Variants in VIM observed in about 807,000 individuals in gnomAD.
VIM encodes epididymis secretory sperm binding protein.
A neutral mutation model predicts 50.3 loss-of-function variants in VIM; 18 were observed. The ratio of observed to expected loss-of-function variants is 0.36; its 90% CI spans 0.25 to 0.53. VIM has a LOEUF of 0.53. Among genes scored for constraint, VIM ranks in the 20% least tolerant of loss-of-function variants. VIM has a pLI of 0.91. For missense variants in VIM, 551 were observed against 614.7 expected (o/e 0.90, Z 1.10); for synonymous variants, 245 against 248.5 (o/e 0.99, Z 0.13).
chr10:17,233,395 TAGTG>T, intron 3 of VIM, 188 bp from the exon 4 acceptor site: 1 of 594,448 alleles, frequency 1.7e-6, no homozygotes, highest in Admixed American at 2.9e-5. Flanking sequence ...TAAAATATAT[TAGTG>T]AGCAGGAGAA....
chr10:17,234,919 A>G lies in VIM; in HGVS notation c.1008+101A>G, dbSNP rs939819926. 5.2e-6 allele frequency: 8 copies of G among 1,526,804 alleles called. No individual in the cohort carries two copies. In the Admixed American group the frequency reaches 7.3e-5, roughly 14 times the overall value. The allele number at this position is 1,526,804 out of a possible 1,614,324, so 94.6% of individuals were successfully genotyped here. A position where few individuals can be genotyped will look rare whatever the true frequency, so the allele number is the denominator to read the frequency against. On this transcript the variant is annotated intron_variant, in intron 6 of 9. Coordinates refer to ENST00000544301, the MANE Select transcript of VIM (RefSeq NM_003380.5). Reference sequence around the variant, plus strand: ...CAAAATGTTGAGTGAGTAAAAATGTATATCATAATGCAAAGAAAATGAGTT... The same window carrying G: ...CAAAATGTTGAGTGAGTAAAAATGTGTATCATAATGCAAAGAAAATGAGTT...
intron 8 of VIM, 83 bp from the exon 9 acceptor site, chr10:17,236,211 A>G: frequency 9.1e-7 from 1 of 1,103,714 alleles, no homozygotes; most frequent in South Asian, 1.2e-5. Flanking sequence ...CCCACAAATC[A>G]TAATTGTTTC....
intron 5 of VIM, chr10:17,234,248 G>A: frequency 5.4e-6 from 2 of 368,822 alleles, no homozygotes; most frequent in South Asian, 2.5e-5. Flanking sequence ...CCTAAGAGCT[G>A]GAACCACAGG....
At chr10:17,236,877 TCCCTTGC>T (rs1846898525) in intron 9 of VIM, among the ~76,000 whole-genome samples, 1 of 152,328 alleles carries the variant, frequency 6.6e-6, no homozygotes, top group African/African-American at 2.4e-5. Flanking sequence ...CATGAAATCT[TCCCTTGC>T]ACATAAATTT....
chr10:17,232,997 G>C (rs1001057234), intron 3 of VIM, among the ~76,000 whole-genome samples: 1 of 152,300 alleles, frequency 6.6e-6, no homozygotes, highest in African/African-American at 2.4e-5. Context: ...GCCCAGGCTG[G>C]AGTGCAGTGG....
At chr10:17,234,496 C>T (rs1438273775) in intron 5 of VIM, among the ~76,000 whole-genome samples, 197 bp from the exon 6 acceptor site, 2 of 152,210 alleles carry the variant, frequency 1.3e-5, no homozygotes, top group African/African-American at 4.8e-5. Flanking sequence ...CTTTGACCTC[C>T]ACTGTGTTGA....
chr10:17,230,899 G>A (rs1846779937), intron 3 of VIM, 189 bp downstream of exon 3: 8 of 594,532 alleles, frequency 1.3e-5, no homozygotes, highest in Non-Finnish European at 2.3e-5. Context: ...AAAACCCCTT[G>A]AGCGATTTTT....
rs141319821 is a variant in VIM at position 17,229,876 on chromosome 10, G to A, written c.454G>A (p.Glu152Lys). 13 of 1,610,868 alleles carry A rather than the reference G, an allele frequency of 8.1e-6. No individual in the cohort carries two copies. The highest frequency in any genetic ancestry group is 1.1e-5 in the Non-Finnish European group (13 of 1,178,896). Reference sequence around the variant, plus strand: ...GTCGCGCCTGGGGGACCTCTACGAGGAGGAGATGCGGGAGCTGCGCCGGCA... The same window carrying A: ...GTCGCGCCTGGGGGACCTCTACGAGAAGGAGATGCGGGAGCTGCGCCGGCA... The part of the protein sequence containing the change: ...GKSRLGDLYE[E>K]EMRELRRQVD... Residue 152 changes from glutamate (E) to lysine (K), a missense_variant, in exon 2 of 10, where the codon GAG (glutamate) becomes AAG (lysine). Glu to Lys is a moderately conservative substitution (Grantham distance 56). Transcript: ENST00000544301.
chr10:17,235,707 GT>G, intron 7 of VIM, 138 bp from the exon 8 acceptor site: 1 of 879,036 alleles, frequency 1.1e-6, no homozygotes, highest in South Asian at 1.4e-5. Flanking sequence ...ATGGGAAAAT[GT>G]TTCTGAGACA....
chr10:17,235,554 C>A, intron 7 of VIM, 165 bp downstream of exon 7: 1 of 830,240 alleles, frequency 1.2e-6, no homozygotes, highest in Non-Finnish European at 1.9e-6. Context: ...GAGTAAGTGA[C>A]TTGCTGAAAA....
chr10:17,235,441 C>T, intron 7 of VIM, 52 bp downstream of exon 7: 1 of 1,586,628 alleles, frequency 6.3e-7, no homozygotes. Context: ...TTTGTTAGGC[C>T]CTGTGCCACT....
chr10:17,230,020 G>A (rs761001825), intron 2 of VIM, 35 bp downstream of exon 2: 6 of 1,569,266 alleles, frequency 3.8e-6, no homozygotes, highest in Non-Finnish European at 5.2e-6. Context: ...CTGGGCCTCG[G>A]GAGGGGGCTG....
intron 3 of VIM, chr10:17,231,204 A>G (rs1026024020): frequency 1.3e-5 from 2 of 153,932 alleles, no homozygotes; most frequent in Non-Finnish European, 2.9e-5. Context: ...TATGCCCTGC[A>G]GTTTAAAATG....
At chr10:17,237,181 G>T (rs777215987) in intron 9 of VIM, 49 bp from the exon 10 acceptor site, 1 of 1,486,850 alleles carries the variant, frequency 6.7e-7, no homozygotes, top group African/African-American at 1.4e-5. Flanking sequence ...GGATAATTTA[G>T]TCTTTGGCAT....
Position 17,229,373 on chromosome 10 carries a change from G to A in VIM, c.-50G>A, listed in dbSNP as rs1365067614. ...GCCCTCGTTCGCCTCTTCTCCGGGA[G>A]CCAGTCCGCGCCACCGCCGCCGCCC... On this transcript the variant is annotated 5_prime_UTR_variant, in exon 2 of 10. Transcript: ENST00000544301. The A allele has an allele frequency of 6.5e-7, 1 of 1,547,820 alleles. No homozygotes were observed. Among genetic ancestry groups the A allele is most frequent in the African/African-American group, 1.4e-5 (1 of 73,058 alleles).
In VIM at chr10:17,230,929, G is replaced by C. The variant is rs756383010; in HGVS notation, c.624+219G>C. The C allele has an allele frequency of 2.2e-4, 110 of 502,832 alleles. 1 individual carries two copies. The highest frequency in any genetic ancestry group is 7.4e-4 in the African/African-American group (37 of 50,242). The allele number at this position is 502,832 out of a possible 1,614,324, so 31.1% of individuals were successfully genotyped here. A position where few individuals can be genotyped will look rare whatever the true frequency, so the allele number is the denominator to read the frequency against. On this transcript the variant is annotated intron_variant, in intron 3 of 9. Coordinates refer to ENST00000544301, the MANE Select transcript of VIM (RefSeq NM_003380.5). ...ATTTTTTTTTTTTTTTTGAGACGGA[G>C]TCTTACTCTGTCGCCCAGGCTGGAG...
chr10:17,230,506 C>T, intron 2 of VIM, 144 bp from the exon 3 acceptor site: 1 of 933,248 alleles, frequency 1.1e-6, no homozygotes, highest in Admixed American at 1.7e-5. Context: ...CCGAGGGCAG[C>T]AGGTCTGAAA....
rs367958322 is a variant in VIM at position 17,233,446 on chromosome 10, C to G, written c.625-141C>G. On this transcript the variant is annotated intron_variant, in intron 3 of 9. Transcript: ENST00000544301. ...TTATAGCACTGAATGATTTATAAAC[C>G]TATTCCAGGGTCATAAAATGTGTCA... The G allele has an allele frequency of 1.4e-4, 108 of 764,706 alleles. 3 individuals carry two copies. The highest frequency in any genetic ancestry group is 7.3e-4 in the East Asian group (27 of 37,016). 47.4% of individuals were successfully genotyped at this position (764,706 alleles called of 1,614,324 possible).
rs539114402 is a variant in VIM at position 17,236,482 on chromosome 10, G to A, written c.1359+103G>A. On this transcript the variant is annotated intron_variant, in intron 9 of 9. Coordinates refer to ENST00000544301, the MANE Select transcript of VIM (RefSeq NM_003380.5). The stretch of plus-strand genomic sequence containing the variant: ...CAGATACAGCTGGCTAATTTGAGAG[G>A]TTCAGGTTTCATTCATGCCTACTAA... 8.9e-6 allele frequency: 9 copies of A among 1,008,734 alleles called. No individual in the cohort carries two copies. In the African/African-American group the frequency reaches 1.3e-4, roughly 14 times the overall value. The allele number at this position is 1,008,734 out of a possible 1,614,324, so 62.5% of individuals were successfully genotyped here.
Sources: gnomAD v4.1 joint callset for allele counts (sites outside exome capture counted in the v4.1 genomes callset) on GRCh38, gnomAD v4.1.1 for gene constraint, MANE v1.5 for transcripts, NCBI Gene and HGNC (gene_info 2026-07-23, HGNC 2026-07-21) for gene names.